The following ABLIM2 variants were observed in gnomAD, a reference collection of about 807,000 sequenced individuals.
ABLIM2 encodes the protein actin binding LIM protein family member 2, also known as actin-binding LIM protein 2.
In ABLIM2, 53 loss-of-function variants were observed where a neutral mutation model predicts 97.7. The observed-to-expected ratio is 0.54, with a 90% CI of 0.44 to 0.68. ABLIM2 has a LOEUF of 0.68. ABLIM2 is among the 30% of genes least tolerant of loss of function. The pLI, the probability that ABLIM2 is intolerant of heterozygous loss-of-function variation, is 0.00. For synonymous variants in ABLIM2, 361 were observed against 345.8 expected (o/e 1.04, Z -0.49); for missense variants, 835 against 867.2 (o/e 0.96, Z 0.47).
intron 6 of ABLIM2, among the ~76,000 whole-genome samples, chr4:8,076,367 G>A (rs79235481): frequency 0.052 from 7,926 of 152,282 alleles, 451 homozygotes; most frequent in African/African-American, 0.14. Context: ...TGTGGGAGCT[G>A]CAGAGGGGAG....
chr4:8,089,999 C>A (rs982464496), intron 3 of ABLIM2, among the ~76,000 whole-genome samples: 3 of 152,208 alleles, frequency 2.0e-5, no homozygotes, highest in African/African-American at 7.2e-5. Flanking sequence ...AGAGCACCCA[C>A]CTGTGGGGCT....
rs1324832387 is a variant in ABLIM2, at chr4:8,002,573, C to T, written c.1618+5486G>A. Among the ~76,000 whole-genome samples the T allele has an allele frequency of 6.6e-6, 1 of 152,206 alleles. No individual in the cohort carries two copies. The highest frequency in any genetic ancestry group is 2.1e-4 in the South Asian group (1 of 4,822). Reference sequence around the variant, plus strand: ...CCCCTCCCTGGCACTGCGCTCCAGACCTTTCCTGATTGGACCTCGGCCTGC... The same window carrying T: ...CCCCTCCCTGGCACTGCGCTCCAGATCTTTCCTGATTGGACCTCGGCCTGC... On this transcript the variant is annotated intron_variant, in intron 16 of 20. Transcript: ENST00000447017. This position sits in a 1 kb window ranked among gnomAD's most constrained non-coding sequence, Gnocchi z 6.1.
Position 8,047,975 on chromosome 4 carries a change from G to T in ABLIM2, c.823-2734C>A, listed in dbSNP as rs142589508. On this transcript the variant is annotated intron_variant, in intron 8 of 20. Coordinates refer to ENST00000447017, the MANE Select transcript of ABLIM2 (RefSeq NM_001130083.2). The stretch of plus-strand genomic sequence containing the variant: ...ACAGCAGCACAGGAAAGTCTCCCAG[G>T]CTCCCGAGGAATGTTTCACAGCCTC... Among the ~76,000 whole-genome samples the T allele has an allele frequency of 2.1e-3, 325 of 152,346 alleles. 4 individuals are homozygous for T. The highest frequency in any genetic ancestry group is 7.3e-3 in the African/African-American group (305 of 41,586).
In ABLIM2 at chr4:8,122,827, C is replaced by G. The variant is rs1846082723; in HGVS notation, c.11-16190G>C. On this transcript the variant is annotated intron_variant, in intron 1 of 20. Coordinates refer to ENST00000447017, the MANE Select transcript of ABLIM2 (RefSeq NM_001130083.2). This position sits in a 1 kb window ranked among gnomAD's most constrained non-coding sequence, Gnocchi z 4.1. The stretch of plus-strand genomic sequence containing the variant: ...GGTTCCAAGCAGGAATGCACCTCCC[C>G]AGGCCACTGGGACCCAGGCCTCTCT... Among the ~76,000 whole-genome samples, 2 of 152,202 alleles carry G rather than the reference C, an allele frequency of 1.3e-5. No individual in the cohort carries two copies. The highest frequency in any genetic ancestry group is 4.8e-5 in the African/African-American group (2 of 41,444).
At chr4:8,037,289 C>G (rs1785091831) in intron 9 of ABLIM2, among the ~76,000 whole-genome samples, 1 of 151,836 alleles carries the variant, frequency 6.6e-6, no homozygotes, top group Non-Finnish European at 1.5e-5. Context: ...CACATACGCA[C>G]ACATGCACAC....
intron 6 of ABLIM2, among the ~76,000 whole-genome samples, chr4:8,074,009 C>T (rs999760074): frequency 2.7e-5 from 4 of 146,838 alleles, no homozygotes; most frequent in Admixed American, 1.4e-4. Flanking sequence ...ATGGCTTGAA[C>T]CCAGGAGGTG....
chr4:7,977,077 T>C (rs1236981824), intron 20 of ABLIM2, among the ~76,000 whole-genome samples: 3 of 152,018 alleles, frequency 2.0e-5, no homozygotes, highest in East Asian at 3.9e-4. Context: ...TGGGAGGTGA[T>C]TGGGTCCTGG....
At position 7,983,247 on chromosome 4, in the gene ABLIM2, G is replaced by A. The variant is rs977077502; in HGVS notation, c.1824+17C>T. ...GCATGGGAAATGAGTCCCCTGCCCC[G>A]GCAGTCCCCCGCTTACCTCCAGTCT... On this transcript the variant is annotated intron_variant, in intron 20 of 20. Transcript: ENST00000447017. 15 of 1,603,074 alleles carry A rather than the reference G, an allele frequency of 9.4e-6. No individual in the cohort carries two copies. The highest frequency in any genetic ancestry group is 3.4e-5 in the Admixed American group (2 of 58,404).
chr4:8,088,033 C>T (rs2292740), intron 4 of ABLIM2, 136 bp downstream of exon 4: 41,441 of 308,678 alleles, frequency 0.13, 4,416 homozygotes, highest in East Asian at 0.34. Flanking sequence ...CTCAGCACCG[C>T]CCCCACTCAG....
In ABLIM2 at chr4:7,966,871, G is replaced by A. The variant is rs1338770580; in HGVS notation, c.*119C>T. On this transcript the variant is annotated 3_prime_UTR_variant, in exon 21 of 21. Coordinates refer to ENST00000447017, the MANE Select transcript of ABLIM2 (RefSeq NM_001130083.2). ...CGCACCTGCTGGGGGACCCCCTCCC[G>A]CCCACCCCATGGACACAGAGAAGCC... The A allele has an allele frequency of 2.5e-5, 2 of 80,138 alleles. No homozygotes were observed. Among genetic ancestry groups the A allele is most frequent in the East Asian group, 5.5e-4 (2 of 3,662 alleles). 5.0% of individuals were successfully genotyped at this position (80,138 alleles called of 1,614,324 possible).
rs1763230084 is a variant in ABLIM2, at chr4:8,009,095, C to G, written c.1431G>C (p.Arg477Ser). The G allele has an allele frequency of 6.2e-7, 1 of 1,614,040 alleles. No individual in the cohort carries two copies. The highest frequency in any genetic ancestry group is 8.5e-7 in the Non-Finnish European group (1 of 1,179,900). Reference protein sequence around the residue: ...KPPIYRQHAARRSDGEDGSLD... With the variant: ...KPPIYRQHAASRSDGEDGSLD... ...AGCTTCCATCCTCCCCATCCGATCG[C>G]CTGGCAGCTGGAAGGGAAAAATCCA... Residue 477 changes from arginine to serine, a missense_variant, in exon 15 of 21, where the codon AGG (arginine) becomes AGC (serine). Arg to Ser is a moderately radical substitution (Grantham distance 110, BLOSUM62 -1). Coordinates refer to ENST00000447017, the MANE Select transcript of ABLIM2 (RefSeq NM_001130083.2).
intron 1 of ABLIM2, 139 bp from the exon 2 acceptor site, chr4:8,106,776 G>A: frequency 9.2e-7 from 1 of 1,086,740 alleles, no homozygotes; most frequent in South Asian, 1.7e-5. Flanking sequence ...CGGGGCATCG[G>A]GGTCGGTCTG....
At chr4:8,076,516 T>C (rs935964278) in intron 6 of ABLIM2, among the ~76,000 whole-genome samples, 4 of 151,840 alleles carry the variant, frequency 2.6e-5, no homozygotes, top group African/African-American at 9.7e-5. Flanking sequence ...CCCTACAGCC[T>C]CATCCCCAGC....
chr4:8,091,979 A>G (rs1329619124), intron 3 of ABLIM2, among the ~76,000 whole-genome samples: 2 of 134,846 alleles, frequency 1.5e-5, no homozygotes, highest in Non-Finnish European at 3.1e-5. Context: ...ATTTTTATAT[A>G]TATTATAATA....
intron 2 of ABLIM2, among the ~76,000 whole-genome samples, chr4:8,099,352 T>C (rs976430325): frequency 1.2e-4 from 19 of 152,188 alleles, no homozygotes; most frequent in Admixed American, 2.0e-4. Context: ...TTCTCTATTC[T>C]TCTTAAAGAC....
intron 1 of ABLIM2, among the ~76,000 whole-genome samples, chr4:8,136,817 A>G (rs1253439850): frequency 6.6e-6 from 1 of 152,230 alleles, no homozygotes; most frequent in Non-Finnish European, 1.5e-5. Flanking sequence ...CTTCCAGAGC[A>G]CACAGCGGGG....
chr4:8,154,281 C>CTTTTTTTTTTT (rs34112937), intron 1 of ABLIM2, among the ~76,000 whole-genome samples: 1 of 114,530 alleles, frequency 8.7e-6, no homozygotes, highest in Non-Finnish European at 1.7e-5. Flanking sequence ...CTTTTCTTTT[C>CTTTTTTTTTTT]TTTTTTTTTT....
At chr4:8,013,219 C>CTTTT (rs60424207) in intron 14 of ABLIM2, among the ~76,000 whole-genome samples, 11 of 110,590 alleles carry the variant, frequency 9.9e-5, no homozygotes, top group Non-Finnish European at 1.4e-4. Context: ...AACATTTTTC[C>CTTTT]TTTTTTTTTT....
At position 8,067,616 on chromosome 4, in the gene ABLIM2, C is replaced by T. The variant is rs1808801137; in HGVS notation, c.676-6562G>A. The T allele has an allele frequency of 6.6e-6, 1 of 152,332 alleles. No individual in the cohort carries two copies. The highest frequency in any genetic ancestry group is 6.5e-5 in the Admixed American group (1 of 15,292). The allele number at this position is 152,332 out of a possible 1,614,324, so 9.4% of individuals were successfully genotyped here. A position where few individuals can be genotyped will look rare whatever the true frequency, so the allele number is the denominator to read the frequency against. On this transcript the variant is annotated intron_variant, in intron 6 of 20. Coordinates refer to ENST00000447017, the MANE Select transcript of ABLIM2 (RefSeq NM_001130083.2). The surrounding 1 kb of genome is among the most constrained non-coding windows in gnomAD (Gnocchi z 5.4). ...CGCTCCATGTTCTGGAACAATCCAC[C>T]CATGGTGGAGGGGCAGGGCTGGAGG...
Sources: gnomAD v4.1 joint callset for allele counts (sites outside exome capture counted in the v4.1 genomes callset) on GRCh38, gnomAD v4.1.1 for gene constraint, Gnocchi (gnomAD v3.1) non-coding constraint, MANE v1.5 for transcripts, NCBI Gene and HGNC (gene_info 2026-07-23, HGNC 2026-07-21) for gene names.